The following ABI2 variants were observed in gnomAD, a reference collection of about 807,000 sequenced individuals.
ABI2 encodes the protein abelson interactor 2.
A neutral mutation model predicts 59.2 loss-of-function variants in ABI2; 25 were observed. That is an observed-to-expected ratio of 0.42 (90% CI 0.31 to 0.59). ABI2 has a LOEUF of 0.59. Ranked by LOEUF, ABI2 falls within the 20% of genes least tolerant of loss-of-function variation. The pLI, the probability that ABI2 is intolerant of heterozygous loss-of-function variation, is 0.14. For synonymous variants in ABI2, 213 were observed against 235.5 expected, an observed-to-expected ratio of 0.90 and a Z score of 0.87; for missense variants, 545 against 681.8, an observed-to-expected ratio of 0.80 and a Z score of 2.23.
At chr2:203,370,174 G>GAGAA (rs1342602046) in intron 2 of ABI2, among the ~76,000 whole-genome samples, 61 of 145,870 alleles carry the variant, frequency 4.2e-4, no homozygotes, top group African/African-American at 1.4e-3. Flanking sequence ...TACGTATGGT[G>GAGAA]TCATTCTCCT....
intron 11 of ABI2, among the ~76,000 whole-genome samples, chr2:203,418,468 T>A (rs1471821657): frequency 6.6e-6 from 1 of 152,234 alleles, no homozygotes; most frequent in Admixed American, 6.5e-5. Flanking sequence ...CAGGATTTAG[T>A]TCCTTGTGGG....
intron 1 of ABI2, chr2:203,351,682 C>A: frequency 2.8e-6 from 1 of 359,726 alleles, no homozygotes. Context: ...ACTACAGGTG[C>A]GTGCTACTGT....
At chr2:203,331,601 G>C (rs952010230) in intron 1 of ABI2, among the ~76,000 whole-genome samples, 1 of 151,504 alleles carries the variant, frequency 6.6e-6, no homozygotes, top group African/African-American at 2.4e-5. Context: ...TCAGATGATC[G>C]ACCTGCCTTG....
intron 4 of ABI2, among the ~76,000 whole-genome samples, chr2:203,387,760 A>G (rs2096586936): frequency 6.6e-6 from 1 of 152,372 alleles, no homozygotes; most frequent in South Asian, 2.1e-4. Context: ...AACTTTAAAA[A>G]GTATTTCAAG....
At chr2:203,366,309 C>A (rs560942229) in intron 1 of ABI2, among the ~76,000 whole-genome samples, 3 of 152,042 alleles carry the variant, frequency 2.0e-5, no homozygotes, top group South Asian at 2.1e-4. Context: ...ATAACACTTA[C>A]AATGTTTGGG....
chr2:203,364,446 A>G (rs1270834098), intron 1 of ABI2, among the ~76,000 whole-genome samples: 1 of 152,142 alleles, frequency 6.6e-6, no homozygotes, highest in African/African-American at 2.4e-5. Flanking sequence ...TCCTGTGTGA[A>G]AGGCGAGAAT....
At chr2:203,389,237 T>G (rs1163346276) in intron 4 of ABI2, among the ~76,000 whole-genome samples, 1 of 152,216 alleles carries the variant, frequency 6.6e-6, no homozygotes, top group Admixed American at 6.5e-5. Flanking sequence ...GATAAGTTAA[T>G]CTTTACTCTT....
At chr2:203,424,480 A>C (rs1215567310) in intron 11 of ABI2, among the ~76,000 whole-genome samples, 2 of 152,154 alleles carry the variant, frequency 1.3e-5, no homozygotes, top group African/African-American at 4.8e-5. Flanking sequence ...CTGCAGCCTC[A>C]ACTTTCTGGG....
At chr2:203,405,715 T>G (rs573117209) in intron 9 of ABI2, among the ~76,000 whole-genome samples, 382 of 152,136 alleles carry the variant, frequency 2.5e-3, no homozygotes, top group South Asian at 6.7e-3. Context: ...GCTTTTTTTT[T>G]GGGGGGGTAA....
chr2:203,423,415 GAA>G (rs747504501), intron 11 of ABI2, among the ~76,000 whole-genome samples: 1 of 152,100 alleles, frequency 6.6e-6, no homozygotes, highest in Non-Finnish European at 1.5e-5. Context: ...TTTTAGGAGA[GAA>G]AAAATCATCT....
intron 9 of ABI2, among the ~76,000 whole-genome samples, chr2:203,407,307 C>T (rs1189010646): frequency 1.3e-5 from 2 of 152,106 alleles, no homozygotes; most frequent in African/African-American, 4.8e-5. Context: ...TTATTTCCTT[C>T]ACTGGGAAAA....
intron 4 of ABI2, among the ~76,000 whole-genome samples, chr2:203,384,569 C>A (rs1468045454): frequency 6.6e-6 from 1 of 151,932 alleles, no homozygotes; most frequent in Non-Finnish European, 1.5e-5. Context: ...CTCGGCCTCC[C>A]AAAATGTTGG....
intron 1 of ABI2, among the ~76,000 whole-genome samples, chr2:203,334,018 A>G (rs1408700124): frequency 6.7e-6 from 1 of 149,510 alleles, no homozygotes; most frequent in South Asian, 2.1e-4. Flanking sequence ...TTCGCTCACT[A>G]CAACCTCCGG....
At chr2:203,404,880 T>C (rs1210734518) in intron 9 of ABI2, among the ~76,000 whole-genome samples, 1 of 152,170 alleles carries the variant, frequency 6.6e-6, no homozygotes, top group Non-Finnish European at 1.5e-5. Context: ...ATTTCATGCT[T>C]TGTTCGTGTA....
At chr2:203,332,474 A>G (rs999573793) in intron 1 of ABI2, among the ~76,000 whole-genome samples, 9 of 152,060 alleles carry the variant, frequency 5.9e-5, no homozygotes, top group African/African-American at 2.2e-4. Flanking sequence ...AAAATACAAA[A>G]ATTAGCTGGC....
Position 203,388,426 on chromosome 2 carries a change from T to C in ABI2, c.481-2620T>C, listed in dbSNP as rs180890519. The stretch of plus-strand genomic sequence containing the variant: ...GGCCAGGCATGGTGGCTCATGCCTG[T>C]AATCCCAGCGCTTTGGGAGGCCAAG... On this transcript the variant is annotated intron_variant, in intron 4 of 11. Transcript: ENST00000261018. 1.3e-3 allele frequency among the ~76,000 whole-genome samples: 204 copies of C among 152,278 alleles called. 1 individual carries two copies. The highest frequency in any genetic ancestry group is 4.8e-3 in the African/African-American group (199 of 41,550).
chr2:203,388,832 A>T (rs553499827), intron 4 of ABI2, among the ~76,000 whole-genome samples: 2 of 152,198 alleles, frequency 1.3e-5, no homozygotes, highest in Admixed American at 1.3e-4. Flanking sequence ...ACCAAAACTT[A>T]AAACAAATAT....
rs1168741120 is a variant in ABI2 at position 203,366,865 on chromosome 2, T to G, written c.118-12T>G. ...TTTGAATTAATGATCACTGGTTTGT[T>G]TTTTTTCCCAGTCAGCAGATAAGCA... On this transcript the variant is annotated splice_polypyrimidine_tract_variant and intron_variant, in intron 1 of 11. Transcript: ENST00000261018. The G allele has an allele frequency of 3.9e-6, 6 of 1,529,004 alleles. No individual in the cohort carries two copies. 94.7% of individuals were successfully genotyped at this position (1,529,004 alleles called of 1,614,324 possible).
intron 11 of ABI2, among the ~76,000 whole-genome samples, chr2:203,420,108 TG>T (rs1433942122): frequency 1.3e-5 from 2 of 152,216 alleles, no homozygotes; most frequent in Non-Finnish European, 2.9e-5. Context: ...GTGTTAGAAT[TG>T]GGATTTGACT....
Sources: gnomAD v4.1 joint callset for allele counts (sites outside exome capture counted in the v4.1 genomes callset) on GRCh38, gnomAD v4.1.1 for gene constraint, MANE v1.5 for transcripts, NCBI Gene and HGNC (gene_info 2026-07-23, HGNC 2026-07-21) for gene names.